DENND5B: variants seen among roughly 807,000 people sequenced by gnomAD.
DENND5B encodes the protein DENN domain-containing protein 5B.
Under a neutral mutation model 140.6 loss-of-function variants are expected in DENND5B, and 34 were observed. That is an observed-to-expected ratio of 0.24 (90% CI 0.18 to 0.32). DENND5B has a LOEUF of 0.32. DENND5B is among the 10% of genes least tolerant of loss of function. DENND5B has a pLI of 1.00. For synonymous variants in DENND5B, 551 were observed against 562.1 expected (o/e 0.98, Z 0.28); for missense variants, 1,142 against 1,560.2 (o/e 0.73, Z 4.52).
intron 1 of DENND5B, among the ~76,000 whole-genome samples, chr12:31,537,126 T>G (rs912434269): frequency 1.3e-5 from 2 of 152,116 alleles, no homozygotes; most frequent in African/African-American, 4.8e-5. Flanking sequence ...CATTAAGAAA[T>G]TATCTCAAGG....
At chr12:31,453,285 A>G (rs770907839) in intron 4 of DENND5B, among the ~76,000 whole-genome samples, 1 of 149,284 alleles carries the variant, frequency 6.7e-6, no homozygotes, top group Non-Finnish European at 1.5e-5. Context: ...TTTTGAGTTG[A>G]GTAGAAGAGG....
intron 1 of DENND5B, among the ~76,000 whole-genome samples, chr12:31,563,382 C>A (rs562371359): frequency 2.6e-4 from 39 of 152,106 alleles, no homozygotes; most frequent in Admixed American, 2.0e-4. Flanking sequence ...TTAATGAACT[C>A]CAACTGCTAA....
At chr12:31,568,798 C>T (rs1949716342) in intron 1 of DENND5B, among the ~76,000 whole-genome samples, 1 of 152,200 alleles carries the variant, frequency 6.6e-6, no homozygotes, top group East Asian at 1.9e-4. Context: ...ATTCCTTTAT[C>T]TCCTCTTTGA....
At chr12:31,390,931 G>A (rs181395198) in intron 19 of DENND5B, among the ~76,000 whole-genome samples, 6 of 152,106 alleles carry the variant, frequency 3.9e-5, no homozygotes, top group African/African-American at 7.2e-5. Context: ...CAGGAGAACC[G>A]CTTGAACCCA....
Position 31,383,090 on chromosome 12 carries a change from T to C in DENND5B, c.*4513A>G, listed in dbSNP as rs1428390288. The C allele has an allele frequency of 6.6e-6, 1 of 152,182 alleles. No homozygotes were observed. The highest frequency in any genetic ancestry group is 1.5e-5 in the Non-Finnish European group (1 of 68,018). 9.4% of individuals were successfully genotyped at this position (152,182 alleles called of 1,614,324 possible). Reference sequence around the variant, plus strand: ...CTCTCAATCAGTGAAGGTGTGTTAATACTGAAATATAAATAGCTAAAGTTC... The same window carrying C: ...CTCTCAATCAGTGAAGGTGTGTTAACACTGAAATATAAATAGCTAAAGTTC... On this transcript the variant is annotated 3_prime_UTR_variant, in exon 21 of 21. Transcript: ENST00000389082.
chr12:31,463,463 G>C (rs1190547762), intron 3 of DENND5B, among the ~76,000 whole-genome samples: 1 of 152,096 alleles, frequency 6.6e-6, no homozygotes, highest in African/African-American at 2.4e-5. Context: ...CACAGTATCT[G>C]ACATATAATA....
chr12:31,427,332 C>A (rs1218759144), intron 8 of DENND5B, among the ~76,000 whole-genome samples: 1 of 152,056 alleles, frequency 6.6e-6, no homozygotes, highest in South Asian at 2.1e-4. Flanking sequence ...AGAGGCCAGG[C>A]GGTGGCTCAC....
Position 31,402,650 on chromosome 12 carries a change from GA to G in DENND5B, c.2804-8del. On this transcript the variant is annotated splice_polypyrimidine_tract_variant and splice_region_variant and intron_variant, in intron 14 of 20. Transcript: ENST00000389082. ...ACTGACCTATACGGAATCACTGAAA[GA>G]AAAATGCAGAAATTAATTAAAAAGC... 1.3e-6 allele frequency: 2 copies of G among 1,580,246 alleles called. No homozygotes were observed. The highest frequency in any genetic ancestry group is 1.7e-6 in the Non-Finnish European group (2 of 1,163,602).
At position 31,556,999 on chromosome 12, in the gene DENND5B, G is replaced by A. The variant is rs549465374; in HGVS notation, c.127+33707C>T. Among the ~76,000 whole-genome samples the A allele has an allele frequency of 5.9e-5, 9 of 152,234 alleles. No homozygotes were observed. In the East Asian group the frequency reaches 1.7e-3, roughly 29 times the overall value. ...AATCAAAACAACCTCAGAATCTATA[G>A]TAAGAGAATCTGTAAATAAGGATAT... On this transcript the variant is annotated intron_variant, in intron 1 of 20. Transcript: ENST00000389082.
chr12:31,426,473 T>A, intron 8 of DENND5B, 49 bp from the exon 9 acceptor site: 1 of 1,565,090 alleles, frequency 6.4e-7, no homozygotes, highest in Non-Finnish European at 8.7e-7. Flanking sequence ...GCTATTCTTC[T>A]AATCTTCTTA....
chr12:31,529,572 C>T (rs140037530), intron 1 of DENND5B, among the ~76,000 whole-genome samples: 128 of 152,210 alleles, frequency 8.4e-4, no homozygotes, highest in African/African-American at 2.6e-3. Context: ...CGGTGGCTCA[C>T]ACCTCACTTT....
rs563656147 is a variant in DENND5B at position 31,415,519 on chromosome 12, T to C, written c.2471-71A>G. ...TATACATGGTTCATATTAAATACTT[T>C]GAAACTGCTTCGATAAGAACAAATT... On this transcript the variant is annotated intron_variant, in intron 11 of 20. Transcript: ENST00000389082. 63 of 1,256,306 alleles carry C rather than the reference T, an allele frequency of 5.0e-5. 1 individual carries two copies. The South Asian group carries it at 8.1e-4, about 16-fold the overall frequency. The allele number at this position is 1,256,306 out of a possible 1,614,324, so 77.8% of individuals were successfully genotyped here. A position where few individuals can be genotyped will look rare whatever the true frequency, so the allele number is the denominator to read the frequency against.
chr12:31,480,936 G>T (rs1490966130), intron 2 of DENND5B, among the ~76,000 whole-genome samples: 1 of 152,126 alleles, frequency 6.6e-6, no homozygotes, highest in African/African-American at 2.4e-5. Context: ...ACCCAGGATT[G>T]AGGAAACTTG....
intron 6 of DENND5B, among the ~76,000 whole-genome samples, chr12:31,445,086 G>T (rs1450391432): frequency 1.3e-5 from 2 of 152,174 alleles, no homozygotes; most frequent in Non-Finnish European, 2.9e-5. Flanking sequence ...CAGAGGAAAA[G>T]TTGCTGTCAA....
chr12:31,443,297 A>T (rs2137994102), intron 6 of DENND5B, among the ~76,000 whole-genome samples: 1 of 151,984 alleles, frequency 6.6e-6, no homozygotes, highest in South Asian at 2.1e-4. Context: ...CTGGTCTTCA[A>T]CTCCTGACCT....
intron 2 of DENND5B, among the ~76,000 whole-genome samples, chr12:31,487,413 T>C (rs1207344134): frequency 6.6e-6 from 1 of 152,142 alleles, no homozygotes; most frequent in Non-Finnish European, 1.5e-5. Flanking sequence ...TAAAAACTCA[T>C]TTGGCTGGGT....
intron 2 of DENND5B, among the ~76,000 whole-genome samples, chr12:31,483,000 C>T (rs1199079205): frequency 6.6e-6 from 1 of 152,234 alleles, no homozygotes; most frequent in African/African-American, 2.4e-5. Context: ...AACTCACCCA[C>T]TCTGCTCCAG....
chr12:31,533,188 G>T (rs1209833768), intron 1 of DENND5B, among the ~76,000 whole-genome samples: 1 of 151,940 alleles, frequency 6.6e-6, no homozygotes, highest in Non-Finnish European at 1.5e-5. Context: ...ATTACAGCAG[G>T]CTCTCCAAAT....
intron 1 of DENND5B, among the ~76,000 whole-genome samples, chr12:31,524,395 G>A (rs562911018): frequency 1.3e-5 from 2 of 152,274 alleles, no homozygotes; most frequent in African/African-American, 4.8e-5. Context: ...GCTCACACCT[G>A]TAATCCCAGC....
Sources: gnomAD v4.1 joint callset for allele counts (sites outside exome capture counted in the v4.1 genomes callset) on GRCh38, gnomAD v4.1.1 for gene constraint, MANE v1.5 for transcripts, NCBI Gene and HGNC (gene_info 2026-07-23, HGNC 2026-07-21) for gene names.